Variants in RARB observed in about 807,000 individuals in gnomAD.
RARB encodes the protein HBV-activated protein.
RARB carries 17 observed loss-of-function variants against 51.9 expected under a neutral mutation model. That is an observed-to-expected ratio of 0.33 (90% CI 0.22 to 0.49). The LOEUF (loss-of-function observed/expected upper bound fraction) is 0.49, where lower values mean the gene tolerates loss of function less well. Among genes scored for constraint, RARB ranks in the 20% least tolerant of loss-of-function variants. The pLI, the probability that RARB is intolerant of heterozygous loss-of-function variation, is 0.99. For missense variants in RARB, 369 were observed against 550.8 expected (o/e 0.67, Z 3.30); for synonymous variants, 215 against 195.4 (o/e 1.10, Z -0.84).
intron 5 of RARB, among the ~76,000 whole-genome samples, chr3:25,419,272 A>G (rs889832453): frequency 1.3e-5 from 2 of 152,226 alleles, no homozygotes; most frequent in South Asian, 2.1e-4. Context: ...GAGAAGGGCA[A>G]GGGGAAACTC....
rs370472047 is a variant in RARB at position 25,195,602 on chromosome 3, A to G, written c.178+21027A>G. On this transcript the variant is annotated intron_variant, in intron 5 of 11. Transcript: ENST00000383772. ...TTTTCTTAGGACCTTATAAAGTTCA[A>G]TGAGTTTAAAATTCTTGTTACAGAA... Among the ~76,000 whole-genome samples, 22 of 152,132 alleles carry G rather than the reference A, an allele frequency of 1.4e-4. No individual in the cohort carries two copies. The East Asian group carries it at 2.7e-3, about 19-fold the overall frequency.
At chr3:25,290,743 CCT>C (rs10585947) in intron 5 of RARB, among the ~76,000 whole-genome samples, 1,565 of 152,252 alleles carry the variant, frequency 0.01, 31 homozygotes, top group African/African-American at 0.035. Flanking sequence ...GGCTGTCTTT[CCT>C]CTCTCTGTAT....
At position 25,569,929 on chromosome 3, in the gene RARB, C is replaced by T. The variant is rs773834116; in HGVS notation, c.609+11C>T. On this transcript the variant is annotated intron_variant, in intron 4 of 7. Transcript: ENST00000330688. ...GGTAAATACACCACGGTAAGAGATA[C>T]TCCTGCCCCAGGCTGCTGGGAGTGT... 5.0e-6 allele frequency: 8 copies of T among 1,611,946 alleles called. No homozygotes were observed. In the South Asian group the frequency reaches 8.8e-5, roughly 18 times the overall value.
At chr3:24,957,625 A>T (rs1243199619) in intron 2 of RARB, among the ~76,000 whole-genome samples, 1 of 152,200 alleles carries the variant, frequency 6.6e-6, no homozygotes. Context: ...GAGCCTTAAA[A>T]CTATTAGTCT....
intron 5 of RARB, among the ~76,000 whole-genome samples, chr3:25,272,696 C>T (rs948628019): frequency 6.6e-6 from 1 of 152,190 alleles, no homozygotes; most frequent in African/African-American, 2.4e-5. Flanking sequence ...TGCCCTAAGG[C>T]CTGTTCTCAA....
At chr3:25,062,505 C>A (rs903789517) in intron 3 of RARB, among the ~76,000 whole-genome samples, 1 of 151,928 alleles carries the variant, frequency 6.6e-6, no homozygotes, top group African/African-American at 2.4e-5. Flanking sequence ...CTTAAGTTCA[C>A]ATGATACATG....
In RARB at chr3:25,342,056, A is replaced by G. The variant is rs181734627; in HGVS notation, c.179-119137A>G. Among the ~76,000 whole-genome samples the G allele has an allele frequency of 1.1e-4, 17 of 152,330 alleles. 1 individual carries two copies. Among genetic ancestry groups the G allele is most frequent in the Middle Eastern group, 6.8e-3 (2 of 294 alleles). ...TAGCACCTATTACAATGCTTGACACATAGTAGATCCTCAATAAATATTTAC... is the reference window on the plus strand; with the variant it reads ...TAGCACCTATTACAATGCTTGACACGTAGTAGATCCTCAATAAATATTTAC... On this transcript the variant is annotated intron_variant, in intron 5 of 11. Transcript: ENST00000383772.
At chr3:25,435,408 A>C (rs895033446) in intron 1 of RARB, among the ~76,000 whole-genome samples, 4 of 152,220 alleles carry the variant, frequency 2.6e-5, no homozygotes, top group Non-Finnish European at 5.9e-5. Context: ...TCTTCTCAAA[A>C]ATATTAAAGC....
At chr3:25,374,356 G>T (rs927531384) in intron 5 of RARB, among the ~76,000 whole-genome samples, 1 of 152,160 alleles carries the variant, frequency 6.6e-6, no homozygotes, top group South Asian at 2.1e-4. Flanking sequence ...GCAGGAAACA[G>T]GTAGTCGAAT....
intron 5 of RARB, among the ~76,000 whole-genome samples, chr3:25,344,309 TG>T (rs1705322415): frequency 6.6e-6 from 1 of 152,234 alleles, no homozygotes; most frequent in African/African-American, 2.4e-5. Context: ...TATTAATTTT[TG>T]TCTGAGGTCC....
intron 3 of RARB, among the ~76,000 whole-genome samples, chr3:25,091,958 CG>C (rs1247253815): frequency 6.6e-6 from 1 of 152,096 alleles, no homozygotes; most frequent in African/African-American, 2.4e-5. Flanking sequence ...GGGATGGTGT[CG>C]GGGTGTGCTG....
Position 25,255,149 on chromosome 3 carries a change from A to T in RARB, c.178+80574A>T, listed in dbSNP as rs1702830369. On this transcript the variant is annotated intron_variant, in intron 5 of 11. Transcript: ENST00000383772. ...CTTTACTAGGCATGAGCATCAGATG[A>T]ATGTCTACTTAGTTCTCTCATGCAG... Among the ~76,000 whole-genome samples, 3 of 152,274 alleles carry T rather than the reference A, an allele frequency of 2.0e-5. No homozygotes were observed. In the South Asian group the frequency reaches 6.2e-4, roughly 32 times the overall value.
intron 2 of RARB, among the ~76,000 whole-genome samples, chr3:25,490,265 T>C (rs1042498757): frequency 1.3e-5 from 2 of 151,972 alleles, no homozygotes; most frequent in African/African-American, 4.8e-5. Context: ...TTGGAAAAAA[T>C]GCACCAAGCT....
chr3:25,276,396 A>G (rs1207181398), intron 5 of RARB, among the ~76,000 whole-genome samples: 1 of 152,214 alleles, frequency 6.6e-6, no homozygotes, highest in Non-Finnish European at 1.5e-5. Flanking sequence ...GAAGCATCAC[A>G]CGATACTCAA....
At chr3:24,938,494 G>A (rs932659067) in intron 2 of RARB, among the ~76,000 whole-genome samples, 5 of 152,056 alleles carry the variant, frequency 3.3e-5, no homozygotes, top group African/African-American at 9.7e-5. Context: ...TTACAGACAG[G>A]TTCATTTTCT....
At chr3:24,917,787 A>T (rs1454804277) in intron 2 of RARB, among the ~76,000 whole-genome samples, 1 of 152,200 alleles carries the variant, frequency 6.6e-6, no homozygotes, top group Non-Finnish European at 1.5e-5. Context: ...TCGGCGTCCT[A>T]AAGTGCTGGG....
chr3:25,321,071 C>T (rs1704556403), intron 5 of RARB, among the ~76,000 whole-genome samples: 1 of 152,110 alleles, frequency 6.6e-6, no homozygotes, highest in Admixed American at 6.6e-5. Flanking sequence ...TGGTATAACC[C>T]CGGTGTGGAA....
chr3:25,350,168 A>C (rs1021963551), intron 5 of RARB, among the ~76,000 whole-genome samples: 1 of 152,102 alleles, frequency 6.6e-6, no homozygotes, highest in Non-Finnish European at 1.5e-5. Flanking sequence ...GGTTAAAATG[A>C]GTCACAAAGC....
chr3:25,318,036 GAA>G (rs1166031946), intron 5 of RARB, among the ~76,000 whole-genome samples: 1 of 152,178 alleles, frequency 6.6e-6, no homozygotes, highest in African/African-American at 2.4e-5. Context: ...GTGTTACTTA[GAA>G]AAAGTTTCAA....
Sources: allele counts gnomAD v4.1 joint callset (sites outside exome capture counted in the v4.1 genomes callset), GRCh38; gene constraint gnomAD v4.1.1; transcripts MANE v1.5; gene names NCBI Gene and HGNC (gene_info 2026-07-23, HGNC 2026-07-21).